The following BRINP3 variants were observed in gnomAD, a reference collection of about 807,000 sequenced individuals.
BRINP3 encodes the protein BMP/retinoic acid-inducible neural-specific protein 3.
Under a neutral mutation model 71.0 loss-of-function variants are expected in BRINP3, and 19 were observed. The ratio of observed to expected loss-of-function variants is 0.27; its 90% CI spans 0.19 to 0.39. BRINP3 has a LOEUF of 0.39. BRINP3 is among the 10% of genes least tolerant of loss of function. BRINP3 has a pLI of 1.00. For missense variants in BRINP3, 959 were observed against 940.8 expected, an observed-to-expected ratio of 1.02 and a Z score of -0.25; for synonymous variants, 380 against 337.7, an observed-to-expected ratio of 1.13 and a Z score of -1.37.
chr1:190,332,079 C>T (rs1460762469), intron 2 of BRINP3, among the ~76,000 whole-genome samples: 5 of 152,066 alleles, frequency 3.3e-5, no homozygotes, highest in Non-Finnish European at 7.4e-5. Flanking sequence ...CTTACATCAA[C>T]CCTATTTTAA....
chr1:190,194,276 T>C (rs1038904989), intron 6 of BRINP3, among the ~76,000 whole-genome samples: 9 of 152,066 alleles, frequency 5.9e-5, no homozygotes, highest in Non-Finnish European at 7.4e-5. Context: ...GAAAGTATTC[T>C]CCTGTAGAAC....
intron 7 of BRINP3, among the ~76,000 whole-genome samples, chr1:190,141,046 C>T (rs1655389540): frequency 6.6e-6 from 1 of 152,154 alleles, no homozygotes; most frequent in African/African-American, 2.4e-5. Flanking sequence ...TATACACTGA[C>T]TCTCCTATAA....
chr1:190,263,710 C>T (rs1661398482), intron 4 of BRINP3, among the ~76,000 whole-genome samples: 1 of 151,708 alleles, frequency 6.6e-6, no homozygotes, highest in South Asian at 2.1e-4. Flanking sequence ...CTGCCTCAGC[C>T]TCCCAGTAGC....
At chr1:190,345,799 A>G (rs1667985090) in intron 2 of BRINP3, among the ~76,000 whole-genome samples, 1 of 151,652 alleles carries the variant, frequency 6.6e-6, no homozygotes, top group Non-Finnish European at 1.5e-5. Context: ...CAGTGGAAAG[A>G]CAATCTATTA....
At chr1:190,293,139 T>G (rs906505625) in intron 2 of BRINP3, among the ~76,000 whole-genome samples, 2 of 152,112 alleles carry the variant, frequency 1.3e-5, no homozygotes, top group Non-Finnish European at 2.9e-5. Flanking sequence ...GTGAAGTCTT[T>G]TTGTTGTCTT....
At chr1:190,337,474 G>A (rs1374306470) in intron 2 of BRINP3, among the ~76,000 whole-genome samples, 1 of 152,060 alleles carries the variant, frequency 6.6e-6, no homozygotes, top group Non-Finnish European at 1.5e-5. Context: ...AGCATGGCTA[G>A]GATAAAAGCA....
At chr1:190,317,111 T>G (rs1665934449) in intron 2 of BRINP3, among the ~76,000 whole-genome samples, 1 of 148,048 alleles carries the variant, frequency 6.8e-6, no homozygotes, top group Non-Finnish European at 1.5e-5. Context: ...GAGGGTGGTT[T>G]CAATGAGCCG....
chr1:190,246,324 G>T (rs956019311), intron 4 of BRINP3, among the ~76,000 whole-genome samples: 4 of 151,690 alleles, frequency 2.6e-5, no homozygotes, highest in African/African-American at 9.7e-5. Flanking sequence ...GGTACCTCTG[G>T]GACTTCATGA....
chr1:190,106,824 C>G (rs1409041520), intron 7 of BRINP3, among the ~76,000 whole-genome samples: 1 of 151,702 alleles, frequency 6.6e-6, no homozygotes, highest in East Asian at 1.9e-4. Flanking sequence ...TGACCAATTT[C>G]CCATTAGTTT....
chr1:190,343,355 C>T (rs1170501613), intron 2 of BRINP3, among the ~76,000 whole-genome samples: 1 of 151,742 alleles, frequency 6.6e-6, no homozygotes, highest in East Asian at 1.9e-4. Flanking sequence ...AATGCAGAAA[C>T]TTTGCACAGT....
At chr1:190,146,105 A>G (rs1276921260) in intron 7 of BRINP3, among the ~76,000 whole-genome samples, 3 of 152,260 alleles carry the variant, frequency 2.0e-5, no homozygotes, top group Non-Finnish European at 4.4e-5. Flanking sequence ...GGTACAGTGT[A>G]CACTGCTCAG....
chr1:190,173,574 A>G (rs1179519667), intron 6 of BRINP3, among the ~76,000 whole-genome samples: 1 of 152,200 alleles, frequency 6.6e-6, no homozygotes, highest in Non-Finnish European at 1.5e-5. Context: ...AAAGAGCAAG[A>G]ATGGAAGTCT....
chr1:190,465,749 G>A (rs950422774), intron 1 of BRINP3, among the ~76,000 whole-genome samples: 3 of 151,760 alleles, frequency 2.0e-5, no homozygotes, highest in African/African-American at 7.3e-5. Flanking sequence ...CATTAAAGTA[G>A]CCCACCTTGA....
At chr1:190,288,016 AT>A (rs1663567000) in intron 2 of BRINP3, among the ~76,000 whole-genome samples, 1 of 152,110 alleles carries the variant, frequency 6.6e-6, no homozygotes, top group African/African-American at 2.4e-5. Context: ...ATTAAATCAC[AT>A]TTTGAACACT....
chr1:190,104,998 A>T (rs2102258279), intron 7 of BRINP3, among the ~76,000 whole-genome samples: 1 of 152,190 alleles, frequency 6.6e-6, no homozygotes, highest in East Asian at 1.9e-4. Flanking sequence ...TAGATTTGTT[A>T]TTCTCAGACA....
intron 2 of BRINP3, among the ~76,000 whole-genome samples, chr1:190,327,352 G>GAAAAAAAAAAAAAAAAAAAAAAAAAA (rs796445574): frequency 3.9e-5 from 3 of 77,442 alleles, no homozygotes; most frequent in African/African-American, 8.9e-5. Context: ...AAAAAAAAAG[G>GAAAAAAAAAAAAAAAAAAAAAAAAAA]AAAAAAAAAA....
chr1:190,135,625 AT>A (rs1426404623), intron 7 of BRINP3, among the ~76,000 whole-genome samples: 2 of 152,106 alleles, frequency 1.3e-5, no homozygotes, highest in African/African-American at 4.8e-5. Context: ...AAAATTACCA[AT>A]GATACTTGCA....
chr1:190,183,589 A>C (rs765117551), intron 6 of BRINP3, among the ~76,000 whole-genome samples: 3 of 152,150 alleles, frequency 2.0e-5, no homozygotes, highest in African/African-American at 7.2e-5. Flanking sequence ...GTTTTTGCTG[A>C]TACCATCCTG....
At chr1:190,124,877 T>C (rs545658860) in intron 7 of BRINP3, among the ~76,000 whole-genome samples, 2 of 152,164 alleles carry the variant, frequency 1.3e-5, no homozygotes, top group Admixed American at 1.3e-4. Flanking sequence ...TCTTTACAGA[T>C]ACAAATCAAC....
Sources: allele counts gnomAD v4.1 joint callset (sites outside exome capture counted in the v4.1 genomes callset), GRCh38; gene constraint gnomAD v4.1.1; transcripts MANE v1.5; gene names NCBI Gene and HGNC (gene_info 2026-07-23, HGNC 2026-07-21).